FBXL13: variants seen among roughly 807,000 people sequenced by gnomAD.
The protein encoded by FBXL13 is F-box and leucine rich repeat protein 13, also known as F-box and leucine-rich repeat protein 13.
A neutral mutation model predicts 83.6 loss-of-function variants in FBXL13; 67 were observed. The observed-to-expected ratio is 0.80, with a 90% CI of 0.66 to 0.98. FBXL13 has a LOEUF of 0.98. Ranked by LOEUF, FBXL13 falls within the 50% of genes least tolerant of loss-of-function variation. The probability of loss-of-function intolerance (pLI) is 0.00; values close to 1 mark genes in which losing one functional copy is unlikely to be tolerated. For missense variants in FBXL13, 822 were observed against 866.5 expected, an observed-to-expected ratio of 0.95 and a Z score of 0.64; for synonymous variants, 272 against 299.5, an observed-to-expected ratio of 0.91 and a Z score of 0.95.
intron 1 of FBXL13, 49 bp from the exon 2 acceptor site, chr7:103,055,796 T>G: frequency 1.2e-6 from 1 of 830,294 alleles, no homozygotes; most frequent in Non-Finnish European, 1.7e-6. Context: ...TTTTCACGTT[T>G]TTACTAAGCA....
intron 2 of FBXL13, among the ~76,000 whole-genome samples, chr7:103,044,351 A>G (rs1055011497): frequency 6.6e-6 from 1 of 152,230 alleles, no homozygotes; most frequent in African/African-American, 2.4e-5. Context: ...ACACAGCCAC[A>G]TGTAAAAAGA....
At chr7:102,932,583 GT>G (rs1336077493) in intron 8 of FBXL13, among the ~76,000 whole-genome samples, 3 of 1,514 alleles carry the variant, frequency 2.0e-3, no homozygotes, top group East Asian at 0.17. Context: ...TAGTTATTCT[GT>G]TTGTTTGTTT....
At position 103,055,412 on chromosome 7, in the gene FBXL13, A is replaced by T. The variant is rs182660611; in HGVS notation, c.-1+232T>A. 1.4e-3 allele frequency among the ~76,000 whole-genome samples: 210 copies of T among 152,244 alleles called. 1 individual carries two copies. The highest frequency in any genetic ancestry group is 4.9e-3 in the African/African-American group (205 of 41,522). On this transcript the variant is annotated intron_variant, in intron 2 of 19. Coordinates refer to ENST00000313221, the Ensembl canonical transcript of FBXL13. ...CTTTCCTCTTTCCCAACTTGAAATA[A>T]ACCGGCCCTATGAACACGTTACTGA... is the stretch of plus-strand genomic sequence containing the variant.
At chr7:102,924,512 A>T (rs1817679830) in intron 10 of FBXL13, among the ~76,000 whole-genome samples, 1 of 152,128 alleles carries the variant, frequency 6.6e-6, no homozygotes, top group Non-Finnish European at 1.5e-5. Flanking sequence ...TTGACTAAAA[A>T]TGTGACAGCT....
In FBXL13 at chr7:102,948,944, T is replaced by G. The variant is rs569108664; in HGVS notation, c.724+14589A>C. On this transcript the variant is annotated intron_variant, in intron 8 of 19. Coordinates refer to ENST00000313221, the Ensembl canonical transcript of FBXL13. ...CCAGGCTGGGCTCAAACTCCTGGCC[T>G]CAAGTGATCCGCGTGCCTTGGCCTC... 3.3e-5 allele frequency among the ~76,000 whole-genome samples: 5 copies of G among 151,852 alleles called. No individual in the cohort carries two copies. In the South Asian group the frequency reaches 1.0e-3, roughly 32 times the overall value.
intron 17 of FBXL13, among the ~76,000 whole-genome samples, chr7:102,845,572 A>G (rs1803792439): frequency 6.6e-6 from 1 of 152,190 alleles, no homozygotes; most frequent in Non-Finnish European, 1.5e-5. Flanking sequence ...ATGCATGGAC[A>G]TCGTCTTTAA....
chr7:103,018,893 C>A (rs1792742967), intron 6 of FBXL13, among the ~76,000 whole-genome samples: 1 of 151,100 alleles, frequency 6.6e-6, no homozygotes, highest in African/African-American at 2.4e-5. Flanking sequence ...TTTAACACCC[C>A]ACTGTCAACA....
intron 2 of FBXL13, among the ~76,000 whole-genome samples, chr7:103,050,909 C>T (rs1352510792): frequency 2.6e-5 from 4 of 152,186 alleles, no homozygotes; most frequent in African/African-American, 9.7e-5. Context: ...TCCCATAGCG[C>T]CAAACCTGTT....
chr7:102,877,536 T>A, exon 16 of FBXL13: 1 of 1,611,548 alleles, frequency 6.2e-7, no homozygotes, highest in Non-Finnish European at 8.5e-7. Flanking sequence ...TATATCCAAT[T>A]CCTTGGGCAG....
At position 102,884,271 on chromosome 7, in the gene FBXL13, A is replaced by G; in HGVS notation, c.1050T>C (p.Thr350=). Residue 350 remains threonine (T), a synonymous_variant, in exon 12 of 20, where the codon ACT becomes ACC. Transcript: ENST00000313221. ...CATTAATGGTAAGATGCATAATTCC[A>G]GTGCAGCTGTTTGCAATGTACCTGA... 3 of 1,613,834 alleles carry G rather than the reference A, an allele frequency of 1.9e-6. No homozygotes were observed. In the South Asian group the frequency reaches 3.3e-5, roughly 18 times the overall value.
chr7:102,973,567 T>G (rs759163381), intron 6 of FBXL13: 1 of 765,242 alleles, frequency 1.3e-6, no homozygotes, highest in African/African-American at 1.7e-5. Context: ...CTGCCTCGTG[T>G]TGTCTGTTGG....
intron 16 of FBXL13, among the ~76,000 whole-genome samples, chr7:102,864,533 T>C (rs573424186): frequency 1.3e-5 from 2 of 152,296 alleles, no homozygotes; most frequent in African/African-American, 4.8e-5. Flanking sequence ...CATGCCCAGC[T>C]AATTTTTGTA....
At chr7:102,948,902 AG>A (rs1822970991) in intron 8 of FBXL13, among the ~76,000 whole-genome samples, 2 of 151,956 alleles carry the variant, frequency 1.3e-5, no homozygotes, top group African/African-American at 4.8e-5. Flanking sequence ...AGTAAAGACA[AG>A]GTTTCGCCAT....
At chr7:102,945,016 A>G (rs1822217928) in intron 8 of FBXL13, 1 of 154,948 alleles carries the variant, frequency 6.5e-6, no homozygotes. Context: ...AAATGCTGTT[A>G]TAATAAAATG....
intron 8 of FBXL13, among the ~76,000 whole-genome samples, chr7:102,955,813 C>A (rs1038145431): frequency 3.3e-5 from 5 of 152,154 alleles, no homozygotes; most frequent in Middle Eastern, 3.4e-3. Context: ...GACACATACA[C>A]CCTCCCAAGA....
At chr7:102,934,751 C>A in intron 8 of FBXL13, 1 of 1,306,744 alleles carries the variant, frequency 7.7e-7, no homozygotes, top group South Asian at 1.5e-5. Context: ...TCTTATAATC[C>A]TCCCTACATC....
intron 6 of FBXL13, among the ~76,000 whole-genome samples, chr7:102,992,406 ACAC>A (rs1829670119): frequency 6.6e-6 from 1 of 152,196 alleles, no homozygotes; most frequent in Non-Finnish European, 1.5e-5. Context: ...CACAGCTGTC[ACAC>A]AGCTAGTGAC....
At chr7:102,963,759 C>G (rs1825646186) in intron 7 of FBXL13, 94 bp from the exon 9 acceptor site, 1 of 1,229,780 alleles carries the variant, frequency 8.1e-7, no homozygotes, top group Non-Finnish European at 1.1e-6. Flanking sequence ...CCTAATTAAA[C>G]TAAAGAGCTT....
chr7:102,875,894 G>A (rs562051010), intron 16 of FBXL13, among the ~76,000 whole-genome samples: 63 of 152,260 alleles, frequency 4.1e-4, no homozygotes, highest in Non-Finnish European at 3.4e-4. Flanking sequence ...CTAAGGAAAT[G>A]CAGCTGATGA....
Sources: gnomAD v4.1 joint callset for allele counts (sites outside exome capture counted in the v4.1 genomes callset) on GRCh38, gnomAD v4.1.1 for gene constraint, MANE v1.5 for transcripts, NCBI Gene and HGNC (gene_info 2026-07-23, HGNC 2026-07-21) for gene names.